HPSE2: variants seen among roughly 807,000 people sequenced by gnomAD.
HPSE2 encodes heparanase 2 (inactive).
HPSE2 carries 38 observed loss-of-function variants against 60.5 expected under a neutral mutation model. That is an observed-to-expected ratio of 0.63 (90% CI 0.48 to 0.82). The LOEUF (loss-of-function observed/expected upper bound fraction) is 0.82, where lower values mean the gene tolerates loss of function less well. HPSE2 is among the 40% of genes least tolerant of loss of function. The pLI is 0.00. For missense variants in HPSE2, 713 were observed against 740.4 expected (o/e 0.96, Z 0.43); for synonymous variants, 295 against 293.2 (o/e 1.01, Z -0.06).
intron 3 of HPSE2, among the ~76,000 whole-genome samples, chr10:98,918,555 CATT>C (rs1198039339): frequency 6.7e-6 from 1 of 149,898 alleles, no homozygotes; most frequent in Non-Finnish European, 1.5e-5. Context: ...TGGAAATCAT[CATT>C]CTCAGTAAAC....
chr10:98,549,926 T>G (rs1305377643), intron 9 of HPSE2, among the ~76,000 whole-genome samples: 1 of 152,190 alleles, frequency 6.6e-6, no homozygotes, highest in African/African-American at 2.4e-5. Flanking sequence ...CAGCTCTATA[T>G]GTGACTCCCA....
At chr10:98,752,601 A>G (rs1949784211) in intron 3 of HPSE2, among the ~76,000 whole-genome samples, 1 of 152,196 alleles carries the variant, frequency 6.6e-6, no homozygotes, top group South Asian at 2.1e-4. Flanking sequence ...GTAAAAATAA[A>G]CGTGTTAGTG....
intron 3 of HPSE2, among the ~76,000 whole-genome samples, chr10:99,107,848 A>G (rs1844308118): frequency 6.6e-6 from 1 of 152,244 alleles, no homozygotes; most frequent in South Asian, 2.1e-4. Context: ...ATGAAGAAAG[A>G]GAAGAAAATG....
the HPSE2 span, among the ~76,000 whole-genome samples, chr10:99,265,792 A>G: frequency 3.9e-4 from 59 of 152,284 alleles, no homozygotes; most frequent in East Asian, 0.011. Context: ...GCCCTGGGAG[A>G]CAGACAAAAA....
chr10:99,094,066 T>C (rs1843613278), intron 3 of HPSE2, among the ~76,000 whole-genome samples: 1 of 152,212 alleles, frequency 6.6e-6, no homozygotes, highest in African/African-American at 2.4e-5. Flanking sequence ...GTTTTAGCTC[T>C]ATTTCACAGT....
chr10:98,620,797 G>A (rs1396182071), intron 7 of HPSE2, 89 bp from the exon 8 acceptor site: 2 of 892,866 alleles, frequency 2.2e-6, no homozygotes, highest in Non-Finnish European at 3.6e-6. Flanking sequence ...TAAGGAAGTT[G>A]ATCTGATTTC....
intron 3 of HPSE2, among the ~76,000 whole-genome samples, chr10:98,998,517 A>G (rs1351947779): frequency 1.3e-5 from 2 of 152,190 alleles, no homozygotes; most frequent in African/African-American, 4.8e-5. Flanking sequence ...CCTGTAAATA[A>G]TCATCACACC....
intron 9 of HPSE2, among the ~76,000 whole-genome samples, chr10:98,512,510 G>T (rs1002464150): frequency 3.8e-4 from 58 of 151,906 alleles, no homozygotes; most frequent in African/African-American, 1.4e-3. Flanking sequence ...GCATGAACCC[G>T]GGAGGCGGAG....
intron 2 of HPSE2, among the ~76,000 whole-genome samples, chr10:99,186,777 T>A (rs1042851197): frequency 6.6e-6 from 1 of 152,114 alleles, no homozygotes; most frequent in Non-Finnish European, 1.5e-5. Context: ...GGAATATATG[T>A]CAAAAACATT....
intron 1 of HPSE2, among the ~76,000 whole-genome samples, chr10:99,233,067 T>C (rs189469918): frequency 1.3e-5 from 2 of 152,352 alleles, no homozygotes; most frequent in East Asian, 3.9e-4. Flanking sequence ...GGATTCCTAC[T>C]TTCTTTCTTT....
At chr10:99,125,007 G>C (rs1372038949) in intron 3 of HPSE2, among the ~76,000 whole-genome samples, 1 of 152,246 alleles carries the variant, frequency 6.6e-6, no homozygotes, top group African/African-American at 2.4e-5. Context: ...AGATGACATA[G>C]TACAGTATTG....
At chr10:98,764,345 AC>A (rs1269714424) in intron 3 of HPSE2, among the ~76,000 whole-genome samples, 17 of 152,140 alleles carry the variant, frequency 1.1e-4, no homozygotes, top group African/African-American at 3.6e-4. Flanking sequence ...TACCAAAAAA[AC>A]ATGAGGGGTA....
intron 3 of HPSE2, among the ~76,000 whole-genome samples, chr10:98,838,749 C>A (rs1228661834): frequency 6.6e-6 from 1 of 152,076 alleles, no homozygotes; most frequent in Non-Finnish European, 1.5e-5. Flanking sequence ...TTTTTATATT[C>A]CTCACATCAC....
chr10:99,024,759 C>T (rs1206634098), intron 3 of HPSE2, among the ~76,000 whole-genome samples: 1 of 152,086 alleles, frequency 6.6e-6, no homozygotes, highest in Admixed American at 6.6e-5. Flanking sequence ...AATGGCAAGA[C>T]ATATTTAAAG....
intron 6 of HPSE2, among the ~76,000 whole-genome samples, chr10:98,657,955 T>C (rs932515042): frequency 6.6e-6 from 1 of 152,160 alleles, no homozygotes; most frequent in Non-Finnish European, 1.5e-5. Flanking sequence ...ACAGAGTACT[T>C]CGCAGATAAC....
chr10:99,187,603 A>C (rs963668583), intron 2 of HPSE2, among the ~76,000 whole-genome samples: 5 of 152,232 alleles, frequency 3.3e-5, no homozygotes. Flanking sequence ...AATTTCACCA[A>C]AGTATACAAA....
At chr10:98,478,467 C>T (rs183778588) in intron 11 of HPSE2, among the ~76,000 whole-genome samples, 14 of 152,234 alleles carry the variant, frequency 9.2e-5, no homozygotes, top group Non-Finnish European at 1.5e-4. Flanking sequence ...TCTTGTCCAA[C>T]CCCCGACTGA....
chr10:98,546,976 T>C (rs1173254013), intron 9 of HPSE2, among the ~76,000 whole-genome samples: 4 of 149,210 alleles, frequency 2.7e-5, no homozygotes, highest in Admixed American at 2.7e-4. Context: ...CAAACAACCC[T>C]ATCAAAAAGT....
chr10:99,017,559 TC>T (rs1225224461), intron 3 of HPSE2, among the ~76,000 whole-genome samples: 2 of 151,496 alleles, frequency 1.3e-5, no homozygotes, highest in African/African-American at 4.9e-5. Flanking sequence ...TAGGGAGGAG[TC>T]CCTCCTCCTC....
Sources: allele counts gnomAD v4.1 joint callset (sites outside exome capture counted in the v4.1 genomes callset), GRCh38; gene constraint gnomAD v4.1.1; transcripts MANE v1.5; gene names NCBI Gene and HGNC (gene_info 2026-07-23, HGNC 2026-07-21).